Variants in ARMC5 observed in about 807,000 individuals in gnomAD.
The protein encoded by ARMC5 is armadillo repeat containing 5.
Under a neutral mutation model 60.5 loss-of-function variants are expected in ARMC5, and 28 were observed. The observed-to-expected ratio is 0.46, with a 90% CI of 0.34 to 0.63. The LOEUF (loss-of-function observed/expected upper bound fraction) is 0.63, where lower values mean the gene tolerates loss of function less well. Among genes scored for constraint, ARMC5 ranks in the 30% least tolerant of loss-of-function variants. The pLI is 0.01. For missense variants in ARMC5, 1,189 were observed against 1,304.9 expected, an observed-to-expected ratio of 0.91 and a Z score of 1.37; for synonymous variants, 680 against 607.3, an observed-to-expected ratio of 1.12 and a Z score of -1.76.
At chr16:31,458,798 T>C, upstream of ARMC5, 1 of 1,523,764 alleles carries the variant, frequency 6.6e-7, no homozygotes, top group South Asian at 1.2e-5. Flanking sequence ...GGATTCTCCC[T>C]CGCCTCTTCT....
At chr16:31,458,492 C>A (rs559383768), upstream of ARMC5, 12 of 1,535,630 alleles carry the variant, frequency 7.8e-6, no homozygotes, top group Non-Finnish European at 9.6e-6. Flanking sequence ...CTGCCATAAC[C>A]CGGACAACGG....
In ARMC5 at chr16:31,462,506, A is replaced by G. The variant is rs575976648; in HGVS notation, c.959A>G (p.Asn320Ser). 4 of 1,611,764 alleles carry G rather than the reference A, an allele frequency of 2.5e-6. No individual in the cohort carries two copies. The highest frequency in any genetic ancestry group is 1.1e-5 in the South Asian group (1 of 91,076). The change falls in exon 3 of 6, where the codon AAT becomes AGT. Residue 320 changes from asparagine (N) to serine (S), a missense_variant. Physicochemically the swap from Asn to Ser is conservative, Grantham distance 46. Transcript: ENST00000268314. The surrounding 1 kb of genome is among the most constrained non-coding windows in gnomAD (Gnocchi z 7.2). ...GGCCTGATTCGGCCTGCACTGGGCA[A>G]TGCTGGTGGCGTGGAGGTGCTGGTA... ...AQGLIRPALG[N>S]AGGVEVLVDE... is the part of the protein sequence containing the mutation.
intron 1 of ARMC5, 196 bp downstream of exon 1, chr16:31,460,195 C>G (rs1354505418): frequency 3.5e-6 from 2 of 568,468 alleles, no homozygotes; most frequent in Non-Finnish European, 5.9e-6. Flanking sequence ...CCCTCCCAGA[C>G]CAGATAATTG....
upstream of ARMC5, chr16:31,458,607 C>A (rs1471792386): frequency 2.8e-6 from 4 of 1,446,992 alleles, no homozygotes; most frequent in Non-Finnish European, 3.7e-6. Flanking sequence ...GGCTTGTAGA[C>A]GGTTGCTCTT....
Position 31,459,817 on chromosome 16 carries a change from CG to C in ARMC5, c.296del (p.Gly99GlufsTer38). On this transcript the variant is annotated frameshift_variant, in exon 1 of 6. Coordinates refer to ENST00000268314, the MANE Select transcript of ARMC5 (RefSeq NM_001105247.2). LOFTEE classifies it high-confidence loss of function. The stretch of plus-strand genomic sequence containing the variant: ...GGCTCCGCCCCCTCGTCGGCCGCGT[CG>C]GGAGCTTCTAGCCCCGCCCCCGCGT... ...GPGSAPSSAA[S>X]GASSPAPASG... 6.5e-7 allele frequency: 1 copy of C among 1,548,684 alleles called. No homozygotes were observed. The highest frequency in any genetic ancestry group is 8.7e-7 in the Non-Finnish European group (1 of 1,153,856).
At chr16:31,459,244 A>C (rs2082275216), upstream of ARMC5, 1 of 1,533,060 alleles carries the variant, frequency 6.5e-7, no homozygotes, top group African/African-American at 1.4e-5. Flanking sequence ...GCCCTGGAAG[A>C]GTTTCCAGCG....
chr16:31,461,956 C>A lies in ARMC5; in HGVS notation c.510C>A (p.Ile170=), dbSNP rs761712965. Residue 170 remains isoleucine (I), a synonymous_variant, in exon 2 of 6, where the codon ATC becomes ATA. Transcript: ENST00000268314. ...TILQCMKTDS[I]QNRTARALGN... ...TTCAGTGCATGAAGACAGACAGCATCCAGAACCGAACGGCCCGTGCCCTGG... is the reference window on the plus strand; with the variant it reads ...TTCAGTGCATGAAGACAGACAGCATACAGAACCGAACGGCCCGTGCCCTGG... 7.2e-5 allele frequency: 117 copies of A among 1,614,086 alleles called. No individual in the cohort carries two copies. Among genetic ancestry groups the A allele is most frequent in the Non-Finnish European group, 9.7e-5 (114 of 1,180,052 alleles).
rs562540127 is a variant in ARMC5 at position 31,459,812 on chromosome 16, C to G, written c.288C>G (p.Ala96=). 597 of 1,543,960 alleles carry G rather than the reference C, an allele frequency of 3.9e-4. No individual in the cohort carries two copies. Among genetic ancestry groups the G allele is most frequent in the Non-Finnish European group, 4.4e-4 (511 of 1,151,476 alleles). The change falls in exon 1 of 6, where the codon GCC becomes GCG. Residue 96 remains alanine, a synonymous_variant. Transcript: ENST00000268314. The part of the protein sequence containing the change: ...QAGPGSAPSS[A]ASGASSPAPA... Reference sequence around the variant, plus strand: ...GCCCCGGCTCCGCCCCCTCGTCGGCCGCGTCGGGAGCTTCTAGCCCCGCCC... The same window carrying G: ...GCCCCGGCTCCGCCCCCTCGTCGGCGGCGTCGGGAGCTTCTAGCCCCGCCC...
chr16:31,465,655 C>A, intron 4 of ARMC5, 195 bp from the exon 5 acceptor site: 1 of 1,425,398 alleles, frequency 7.0e-7, no homozygotes, highest in Non-Finnish European at 9.1e-7. Context: ...AGACTTACAC[C>A]CTGACTGTCC....
In ARMC5 at chr16:31,459,828, A is replaced by AGCCCCGCCCCCGCGTCGG. The variant is rs1016610213; in HGVS notation, c.316_333dup (p.Ala106_Pro111dup). 1.7e-5 allele frequency: 27 copies of AGCCCCGCCCCCGCGTCGG among 1,559,718 alleles called. No individual in the cohort carries two copies. Among genetic ancestry groups the AGCCCCGCCCCCGCGTCGG allele is most frequent in the Middle Eastern group, 2.1e-4 (1 of 4,794 alleles). On this transcript the variant is annotated inframe_insertion, in exon 1 of 6. Transcript: ENST00000268314. ...CTCGTCGGCCGCGTCGGGAGCTTCT[A>AGCCCCGCCCCCGCGTCGG]GCCCCGCCCCCGCGTCGGGCCCCGC...
At chr16:31,460,025 G>C in intron 1 of ARMC5, 26 bp downstream of exon 1, 1 of 1,592,088 alleles carries the variant, frequency 6.3e-7, no homozygotes, top group Non-Finnish European at 8.5e-7. Context: ...CCGTTTCCTA[G>C]AAAGATTAGG....
At position 31,464,295 on chromosome 16, in the gene ARMC5, A is replaced by T. The variant is rs1235776440; in HGVS notation, c.1371-99A>T. The stretch of plus-strand genomic sequence containing the variant: ...ATAGAGGGATACCACATTTCTTTAA[A>T]AAAAAAAAAAAAAAAAAAAAAGACG... On this transcript the variant is annotated intron_variant, in intron 3 of 5. Transcript: ENST00000268314. This position sits in a 1 kb window ranked among gnomAD's most constrained non-coding sequence, Gnocchi z 7.6. 123 of 522,128 alleles carry T rather than the reference A, an allele frequency of 2.4e-4. No homozygotes were observed. The African/African-American group carries it at 2.8e-3, about 12-fold the overall frequency. The allele number at this position is 522,128 out of a possible 1,614,324, so 32.3% of individuals were successfully genotyped here. A position where few individuals can be genotyped will look rare whatever the true frequency, so the allele number is the denominator to read the frequency against.
chr16:31,464,975 C>G lies in ARMC5; in HGVS notation c.1864+88C>G, dbSNP rs555288982. 1.1e-4 allele frequency: 180 copies of G among 1,610,920 alleles called. 1 individual carries two copies. The South Asian group carries it at 1.6e-3, about 14-fold the overall frequency. On this transcript the variant is annotated intron_variant, in intron 4 of 5. Transcript: ENST00000268314. This position sits in a 1 kb window ranked among gnomAD's most constrained non-coding sequence, Gnocchi z 7.6. ...TCCATGGGCCCAGAACCTCACCTTCCCACTCACCTGTCCTCCCCAGCCCGT... is the reference window on the plus strand; with the variant it reads ...TCCATGGGCCCAGAACCTCACCTTCGCACTCACCTGTCCTCCCCAGCCCGT...
chr16:31,459,373 T>G (rs765441909), upstream of ARMC5: 61 of 1,536,300 alleles, frequency 4.0e-5, no homozygotes, highest in Admixed American at 7.8e-5. Flanking sequence ...AGGACAGACT[T>G]CCGGGGTCGA....
In ARMC5 at chr16:31,462,193, G is replaced by A. The variant is rs200701942; in HGVS notation, c.646G>A (p.Val216Met). The A allele has an allele frequency of 7.2e-5, 116 of 1,612,096 alleles. No individual in the cohort carries two copies. The highest frequency in any genetic ancestry group is 4.2e-4 in the East Asian group (19 of 44,882). ...ACQDSQCLQS[V>M]VRALRNLADS... ...CCAGGACTCGCAGTGCCTACAGAGC[G>A]TGGTGCGTGCCCTCCGTAACCTGGC... Residue 216 changes from valine to methionine, a missense_variant, in exon 3 of 6, where the codon GTG (valine) becomes ATG (methionine). Coordinates refer to ENST00000268314, the MANE Select transcript of ARMC5 (RefSeq NM_001105247.2). The surrounding 1 kb of genome is among the most constrained non-coding windows in gnomAD (Gnocchi z 7.2).
In ARMC5 at chr16:31,466,974, G is replaced by A; in HGVS notation, c.*85G>A. On this transcript the variant is annotated 3_prime_UTR_variant, in exon 6 of 6. Transcript: ENST00000268314. The surrounding 1 kb of genome is among the most constrained non-coding windows in gnomAD (Gnocchi z 8.0). ...TGAGACTGGCAAGGGAGGAGGCTGA[G>A]CAGAAGGAGTCATCATGGAGGAGCG... The A allele has an allele frequency of 7.2e-7, 1 of 1,394,242 alleles. No homozygotes were observed. The highest frequency in any genetic ancestry group is 9.4e-7 in the Non-Finnish European group (1 of 1,067,666). 86.4% of individuals were successfully genotyped at this position (1,394,242 alleles called of 1,614,324 possible). A position where few individuals can be genotyped will look rare whatever the true frequency, so the allele number is the denominator to read the frequency against.
At chr16:31,459,214 G>A, upstream of ARMC5, 1 of 1,531,938 alleles carries the variant, frequency 6.5e-7, no homozygotes, top group Non-Finnish European at 8.7e-7. Flanking sequence ...GCTGTTCGGA[G>A]GCCCTGGCCC....
Position 31,459,932 on chromosome 16 carries a change from A to G in ARMC5, c.408A>G (p.Leu136=), listed in dbSNP as rs779697865. ...RKTLDLALSI[L]ADCCTEGACR... is the part of the protein sequence containing the mutation. ...CGCTGGACTTGGCGCTCAGCATCCT[A>G]GCCGATTGCTGTACGGAAGGGGCGT... The change falls in exon 1 of 6, where the codon CTA becomes CTG. Residue 136 remains leucine, a synonymous_variant. Coordinates refer to ENST00000268314, the MANE Select transcript of ARMC5 (RefSeq NM_001105247.2). 6.2e-7 allele frequency: 1 copy of G among 1,605,244 alleles called. No homozygotes were observed. The highest frequency in any genetic ancestry group is 2.2e-5 in the East Asian group (1 of 44,780).
rs752733668 is a variant in ARMC5 at position 31,466,325 on chromosome 16, C to T, written c.2244C>T (p.Pro748=). ...PLLGPAPVPA[P]DLHFLLDSGL... ...TGGGCCCAGCCCCTGTCCCAGCTCC[C>T]GACCTGCACTTCCTGCTGGACTCAG... is the stretch of plus-strand genomic sequence containing the variant. Residue 748 remains proline (P), a synonymous_variant, in exon 6 of 6, where the codon CCC becomes CCT. Coordinates refer to ENST00000268314, the MANE Select transcript of ARMC5 (RefSeq NM_001105247.2). This position sits in a 1 kb window ranked among gnomAD's most constrained non-coding sequence, Gnocchi z 8.0. The T allele has an allele frequency of 2.2e-4, 351 of 1,613,674 alleles. No homozygotes were observed. The highest frequency in any genetic ancestry group is 2.7e-4 in the Non-Finnish European group (314 of 1,179,896).
Sources: gnomAD v4.1 joint callset for allele counts on GRCh38, gnomAD v4.1.1 for gene constraint, Gnocchi (gnomAD v3.1) non-coding constraint, MANE v1.5 for transcripts, NCBI Gene and HGNC (gene_info 2026-07-23, HGNC 2026-07-21) for gene names.